The following ZNF438 variants were observed in gnomAD, a reference collection of about 807,000 sequenced individuals.
The protein encoded by ZNF438 is zinc finger protein 438.
A neutral mutation model predicts 38.0 loss-of-function variants in ZNF438; 25 were observed. That is an observed-to-expected ratio of 0.66 (90% CI 0.48 to 0.92). The LOEUF (loss-of-function observed/expected upper bound fraction) is 0.92. ZNF438 is among the 40% of genes least tolerant of loss of function. The pLI is 0.00. For synonymous variants in ZNF438, 372 were observed against 364.1 expected (o/e 1.02, Z -0.25); for missense variants, 1,007 against 999.6 (o/e 1.01, Z -0.10).
At chr10:30,973,122 T>C (rs2050930947) in intron 1 of ZNF438, among the ~76,000 whole-genome samples, 1 of 152,240 alleles carries the variant, frequency 6.6e-6, no homozygotes, top group South Asian at 2.1e-4. Flanking sequence ...GCTGTAGTTC[T>C]AGAAGACTTA....
At chr10:30,849,451 AGAAAAACCTGCAATG>A in exon 5 of ZNF438, 1 of 1,614,200 alleles carries the variant, frequency 6.2e-7, no homozygotes, top group Non-Finnish European at 8.5e-7. Context: ...GTCCTGGTAA[AGAAAAACCTGCAATG>A]TTAGCATCTG....
intron 4 of ZNF438, among the ~76,000 whole-genome samples, chr10:30,856,670 C>T (rs984240586): frequency 2.0e-5 from 3 of 152,268 alleles, no homozygotes; most frequent in Admixed American, 6.5e-5. Context: ...TTCTGGAAAT[C>T]CTGCACAACT....
At chr10:30,954,640 T>C (rs1028775947) in intron 1 of ZNF438, among the ~76,000 whole-genome samples, 3 of 152,146 alleles carry the variant, frequency 2.0e-5, no homozygotes, top group Admixed American at 2.0e-4. Flanking sequence ...ATATTATGGG[T>C]GTTGTTTCAA....
intron 4 of ZNF438, among the ~76,000 whole-genome samples, chr10:30,874,478 C>A (rs1363146185): frequency 6.6e-6 from 1 of 151,732 alleles, no homozygotes; most frequent in African/African-American, 2.4e-5. Context: ...TAAACAGAAT[C>A]ATAATTAATA....
chr10:30,960,648 C>T (rs2049364280), intron 1 of ZNF438, among the ~76,000 whole-genome samples: 1 of 146,586 alleles, frequency 6.8e-6, no homozygotes, highest in African/African-American at 2.4e-5. Flanking sequence ...CCACGTTGTC[C>T]TGAATACTGT....
At chr10:30,999,524 T>G (rs568902187) in intron 1 of ZNF438, 5 of 152,504 alleles carry the variant, frequency 3.3e-5, no homozygotes, top group Non-Finnish European at 5.9e-5. Context: ...TAATGCTACT[T>G]CCTCAGGAAG....
Position 30,948,412 on chromosome 10 carries a change from C to T in ZNF438, c.-191-6761G>A, listed in dbSNP as rs538361788. 2.0e-3 allele frequency among the ~76,000 whole-genome samples: 306 copies of T among 152,232 alleles called. 1 individual carries two copies. Among genetic ancestry groups the T allele is most frequent in the Non-Finnish European group, 3.4e-3 (228 of 68,016 alleles). On this transcript the variant is annotated intron_variant, in intron 1 of 5. Transcript: ENST00000413025. ...AAAGCTGGATGGAGAATGACTTCGA[C>T]GAGCTGAGAGAAGAAGGCTTCAGAC... is the stretch of plus-strand genomic sequence containing the variant.
intron 4 of ZNF438, among the ~76,000 whole-genome samples, chr10:30,853,011 C>T (rs1205666382): frequency 2.6e-5 from 4 of 151,428 alleles, no homozygotes; most frequent in Non-Finnish European, 4.4e-5. Flanking sequence ...CATAAATAAA[C>T]ACTTTAAATC....
At chr10:30,921,715 T>A (rs2044316295) in intron 2 of ZNF438, among the ~76,000 whole-genome samples, 1 of 152,236 alleles carries the variant, frequency 6.6e-6, no homozygotes, top group Non-Finnish European at 1.5e-5. Flanking sequence ...TGGCCTGTCA[T>A]CTACACCCAT....
chr10:30,954,373 G>A (rs868041847), intron 1 of ZNF438, among the ~76,000 whole-genome samples: 1 of 152,198 alleles, frequency 6.6e-6, no homozygotes, highest in African/African-American at 2.4e-5. Context: ...AGAGAGAAAT[G>A]TAAGAAAAAG....
intron 4 of ZNF438, among the ~76,000 whole-genome samples, chr10:30,874,324 TTTTTTTG>T (rs2038075758): frequency 6.6e-6 from 1 of 151,596 alleles, no homozygotes; most frequent in Non-Finnish European, 1.5e-5. Flanking sequence ...AATTTTGAAA[TTTTTTTG>T]TAGAGATGGA....
intron 1 of ZNF438, among the ~76,000 whole-genome samples, chr10:30,987,151 A>G (rs765821830): frequency 6.6e-6 from 1 of 152,046 alleles, no homozygotes; most frequent in Non-Finnish European, 1.5e-5. Flanking sequence ...ACACACACAC[A>G]GGGTTAAAAA....
Position 30,881,737 on chromosome 10 carries a change from T to C in ZNF438, c.-31-4672A>G, listed in dbSNP as rs569055065. Among the ~76,000 whole-genome samples, 7 of 152,206 alleles carry C rather than the reference T, an allele frequency of 4.6e-5. No individual in the cohort carries two copies. In the East Asian group the frequency reaches 5.8e-4, roughly 13 times the overall value. ...CTACTTTAGTTTCAAGAAAGAGATA[T>C]ATAGATCAATGCAACAAAATAGAGA... On this transcript the variant is annotated intron_variant, in intron 3 of 5. Coordinates refer to ENST00000413025, the Ensembl canonical transcript of ZNF438.
chr10:31,031,247 TAC>T (rs2057274127), intron 1 of ZNF438, among the ~76,000 whole-genome samples: 1 of 152,238 alleles, frequency 6.6e-6, no homozygotes. Context: ...CTAGCAAATT[TAC>T]ACACTTGTGT....
intron 4 of ZNF438, chr10:30,875,253 CA>C (rs2038232057): frequency 1.0e-6 from 1 of 985,412 alleles, no homozygotes; most frequent in Non-Finnish European, 1.2e-6. Flanking sequence ...GCAAAGCAGC[CA>C]AGAGGTGTGA....
chr10:31,027,307 TA>T (rs1289366712), intron 1 of ZNF438, among the ~76,000 whole-genome samples: 2 of 152,184 alleles, frequency 1.3e-5, no homozygotes, highest in African/African-American at 4.8e-5. Context: ...ATCACTGGGC[TA>T]GACACACTGT....
intron 1 of ZNF438, among the ~76,000 whole-genome samples, chr10:31,025,718 T>C (rs1033583575): frequency 6.6e-6 from 1 of 152,216 alleles, no homozygotes; most frequent in African/African-American, 2.4e-5. Context: ...CACTAAAGCT[T>C]AGTCTCCACC....
chr10:30,856,060 T>C (rs2034572802), intron 4 of ZNF438, among the ~76,000 whole-genome samples: 1 of 152,252 alleles, frequency 6.6e-6, no homozygotes, highest in Admixed American at 6.5e-5. Context: ...CAGTATCTTT[T>C]GGGATATTTG....
At chr10:30,950,031 A>C (rs1564714701) in intron 1 of ZNF438, among the ~76,000 whole-genome samples, 1 of 152,062 alleles carries the variant, frequency 6.6e-6, no homozygotes, top group Non-Finnish European at 1.5e-5. Flanking sequence ...AAAAGAACAG[A>C]AATTATAACA....
Sources: gnomAD v4.1 joint callset for allele counts (sites outside exome capture counted in the v4.1 genomes callset) on GRCh38, gnomAD v4.1.1 for gene constraint, MANE v1.5 for transcripts, NCBI Gene and HGNC (gene_info 2026-07-23, HGNC 2026-07-21) for gene names.